RAD51: variants seen among roughly 807,000 people sequenced by gnomAD.
The protein encoded by RAD51 is RAD51 recombinase.
Under a neutral mutation model 41.5 loss-of-function variants are expected in RAD51, and 14 were observed. The observed-to-expected ratio is 0.34, with a 90% CI of 0.22 to 0.53. RAD51 has a LOEUF of 0.53. Ranked by LOEUF, RAD51 falls within the 20% of genes least tolerant of loss-of-function variation. The pLI is 0.95. For synonymous variants in RAD51, 136 were observed against 148.6 expected (o/e 0.92, Z 0.62); for missense variants, 234 against 422.0 (o/e 0.55, Z 3.90).
rs754954656 is a variant in RAD51 at position 40,729,559 on chromosome 15, G to A, written c.699G>A (p.Ser233=). 5.0e-6 allele frequency: 8 copies of A among 1,613,980 alleles called. 1 individual carries two copies. The highest frequency in any genetic ancestry group is 3.3e-5 in the South Asian group (3 of 91,058). ...SATALYRTDY[S]GRGELSARQM... ...CCGCCCTTTACAGAACAGACTACTC[G>A]GGTCGAGGTGAGCTTTCAGCCAGGC... Residue 233 remains serine (S), a synonymous_variant, in exon 8 of 10, where the codon TCG becomes TCA. Transcript: ENST00000267868.
intron 9 of RAD51, among the ~76,000 whole-genome samples, chr15:40,730,817 C>T (rs568020259): frequency 6.6e-5 from 10 of 151,840 alleles, no homozygotes; most frequent in East Asian, 1.9e-4. Context: ...CCACCATGCC[C>T]GGCCTAAATT....
Position 40,732,064 on chromosome 15 carries a change from CAG to C in RAD51, c.*889_*890del, listed in dbSNP as rs1371042314. 16 of 208,942 alleles carry C rather than the reference CAG, an allele frequency of 7.7e-5. No individual in the cohort carries two copies. The highest frequency in any genetic ancestry group is 3.4e-4 in the African/African-American group (15 of 43,936). The allele number at this position is 208,942 out of a possible 1,614,324, so 12.9% of individuals were successfully genotyped here. A position where few individuals can be genotyped will look rare whatever the true frequency, so the allele number is the denominator to read the frequency against. ...CACTGCTGCATTCCAGCCAGGGTGA[CAG>C]AGTGAGACCATGTTTCAAACAAGAA... On this transcript the variant is annotated 3_prime_UTR_variant, in exon 10 of 10. Transcript: ENST00000267868.
chr15:40,729,553 C>T lies in RAD51; in HGVS notation c.693C>T (p.Asp231=), dbSNP rs2141882281. The T allele has an allele frequency of 2.5e-6, 4 of 1,614,064 alleles. No individual in the cohort carries two copies. Among genetic ancestry groups the T allele is most frequent in the Admixed American group, 1.7e-5 (1 of 59,996 alleles). The change falls in exon 8 of 10, where the codon GAC becomes GAT. Residue 231 remains aspartate, a synonymous_variant. Coordinates refer to ENST00000267868, the MANE Select transcript of RAD51 (RefSeq NM_002875.5). ...VDSATALYRT[D]YSGRGELSAR... ...GTGCCACCGCCCTTTACAGAACAGA[C>T]TACTCGGGTCGAGGTGAGCTTTCAG...
intron 5 of RAD51, among the ~76,000 whole-genome samples, chr15:40,712,626 G>T (rs1002381961): frequency 6.6e-6 from 1 of 152,130 alleles, no homozygotes; most frequent in Non-Finnish European, 1.5e-5. Flanking sequence ...CCTTGAACCT[G>T]GCCCATGCCC....
chr15:40,730,539 T>C lies in RAD51; in HGVS notation c.897-516T>C, dbSNP rs868794695. Among the ~76,000 whole-genome samples the C allele has an allele frequency of 2.3e-3, 96 of 41,890 alleles. 1 individual carries two copies. The South Asian group carries it at 0.039, about 17-fold the overall frequency. 27.5% of individuals were successfully genotyped at this position (41,890 alleles called of 152,430 possible). On this transcript the variant is annotated intron_variant, in intron 9 of 9. Transcript: ENST00000267868. Reference sequence around the variant, plus strand: ...TTTTTTCTTTTTTTTTTTTTTTTTTTGAGATGGAGTCTCGCTGTGTCACCC... The same window carrying C: ...TTTTTTCTTTTTTTTTTTTTTTTTTCGAGATGGAGTCTCGCTGTGTCACCC...
chr15:40,728,705 T>C lies in RAD51; in HGVS notation c.531-6T>C. 6.2e-7 allele frequency: 1 copy of C among 1,612,342 alleles called. No homozygotes were observed. Among genetic ancestry groups the C allele is most frequent in the East Asian group, 2.2e-5 (1 of 44,876 alleles). ...CAGCCTAAAAATGTTCTCTCCTCTCTCATAGGTATGGTCTCTCTGGCAGTG... is the reference window on the plus strand; with the variant it reads ...CAGCCTAAAAATGTTCTCTCCTCTCCCATAGGTATGGTCTCTCTGGCAGTG... On this transcript the variant is annotated splice_polypyrimidine_tract_variant and splice_region_variant and intron_variant, in intron 6 of 9. Transcript: ENST00000267868.
At chr15:40,710,135 G>A (rs1476199794) in intron 5 of RAD51, among the ~76,000 whole-genome samples, 2 of 150,728 alleles carry the variant, frequency 1.3e-5, no homozygotes, top group Non-Finnish European at 2.9e-5. Flanking sequence ...CCAGCTACTT[G>A]GGAGGCTGAG....
At position 40,731,205 on chromosome 15, in the gene RAD51, A is replaced by C. The variant is rs761886520; in HGVS notation, c.*27A>C. Reference sequence around the variant, plus strand: ...TCATTGGGTTTTTCCTCTGTTAAAAACCTTAAGTGCTGCAGCCTAATGAGA... The same window carrying C: ...TCATTGGGTTTTTCCTCTGTTAAAACCCTTAAGTGCTGCAGCCTAATGAGA... On this transcript the variant is annotated 3_prime_UTR_variant, in exon 10 of 10. Transcript: ENST00000267868. 6.2e-7 allele frequency: 1 copy of C among 1,613,528 alleles called. No individual in the cohort carries two copies. Among genetic ancestry groups the C allele is most frequent in the South Asian group, 1.1e-5 (1 of 91,060 alleles).
chr15:40,701,167 A>C lies in RAD51; in HGVS notation c.191A>C (p.Lys64Thr). 6.2e-7 allele frequency: 1 copy of C among 1,614,198 alleles called. No individual in the cohort carries two copies. The highest frequency in any genetic ancestry group is 1.1e-5 in the South Asian group (1 of 91,086). ...CCAAAGAAGGAGCTAATAAATATTAAGGGAATTAGTGAAGCCAAAGCTGAT... is the reference window on the plus strand; with the variant it reads ...CCAAAGAAGGAGCTAATAAATATTACGGGAATTAGTGAAGCCAAAGCTGAT... The part of the protein sequence containing the change: ...YAPKKELINI[K>T]GISEAKADKI... Residue 64 changes from lysine to threonine, a missense_variant, in exon 3 of 10, where the codon AAG becomes ACG. Transcript: ENST00000267868.
chr15:40,702,657 A>G (rs1225793812), intron 3 of RAD51, among the ~76,000 whole-genome samples: 2 of 151,942 alleles, frequency 1.3e-5, no homozygotes, highest in Non-Finnish European at 2.9e-5. Flanking sequence ...AGCTGGGATT[A>G]CAGGCTCCCA....
chr15:40,709,746 C>T (rs890561616), intron 5 of RAD51, among the ~76,000 whole-genome samples: 2 of 152,190 alleles, frequency 1.3e-5, no homozygotes, highest in African/African-American at 4.8e-5. Flanking sequence ...CCTCAGTTTA[C>T]ATACCCACTT....
At chr15:40,727,645 A>G (rs1896652629) in intron 6 of RAD51, among the ~76,000 whole-genome samples, 1 of 151,954 alleles carries the variant, frequency 6.6e-6, no homozygotes, top group African/African-American at 2.4e-5. Context: ...CAGAACTAGA[A>G]GACTTGTGCA....
chr15:40,713,121 A>G (rs1010756917), intron 5 of RAD51, among the ~76,000 whole-genome samples: 4 of 150,800 alleles, frequency 2.7e-5, no homozygotes, highest in South Asian at 2.1e-4. Context: ...CCTCAAGTTA[A>G]TCTGCCCGCC....
intron 4 of RAD51, among the ~76,000 whole-genome samples, chr15:40,707,412 T>C (rs1035294982): frequency 1.3e-5 from 2 of 152,112 alleles, no homozygotes; most frequent in Non-Finnish European, 2.9e-5. Flanking sequence ...GTTCAAGTGA[T>C]TCTCCTGCCT....
intron 4 of RAD51, among the ~76,000 whole-genome samples, chr15:40,708,014 C>CATT (rs1555427200): frequency 2.6e-5 from 3 of 115,914 alleles, no homozygotes; most frequent in African/African-American, 1.0e-4. Flanking sequence ...CTGTGCCCAG[C>CATT]TTTTTTTTTT....
intron 6 of RAD51, among the ~76,000 whole-genome samples, chr15:40,724,080 T>C (rs1291108424): frequency 6.6e-6 from 1 of 152,166 alleles, no homozygotes; most frequent in East Asian, 1.9e-4. Flanking sequence ...AGCTTATAAT[T>C]TGAGAACTGC....
At chr15:40,700,522 C>T (rs1894914687) in intron 2 of RAD51, among the ~76,000 whole-genome samples, 1 of 152,076 alleles carries the variant, frequency 6.6e-6, no homozygotes, top group African/African-American at 2.4e-5. Context: ...TTGTAGGGCC[C>T]AAGGTCTCAG....
chr15:40,718,996 C>G (rs990487622), intron 6 of RAD51, 97 bp downstream of exon 6: 7 of 1,100,862 alleles, frequency 6.4e-6, no homozygotes, highest in Non-Finnish European at 8.3e-6. Flanking sequence ...TTCTATAACC[C>G]CACGTCCCAA....
At chr15:40,713,534 T>G (rs1895823991) in intron 5 of RAD51, among the ~76,000 whole-genome samples, 2 of 145,922 alleles carry the variant, frequency 1.4e-5, no homozygotes, top group Non-Finnish European at 3.0e-5. Flanking sequence ...TGAGCCACCA[T>G]GCCCGGCTTT....
Sources: allele counts gnomAD v4.1 joint callset (sites outside exome capture counted in the v4.1 genomes callset), GRCh38; gene constraint gnomAD v4.1.1; transcripts MANE v1.5; gene names NCBI Gene and HGNC (gene_info 2026-07-23, HGNC 2026-07-21).